Variants in N4BP2 observed in about 807,000 individuals in gnomAD.
N4BP2 encodes NEDD4-binding protein 2.
In N4BP2, 91 loss-of-function variants were observed where a neutral mutation model predicts 152.8. The ratio of observed to expected loss-of-function variants is 0.60; its 90% CI spans 0.50 to 0.71. The LOEUF is 0.71. Ranked by LOEUF, N4BP2 falls within the 30% of genes least tolerant of loss-of-function variation. The pLI, the probability that N4BP2 is intolerant of heterozygous loss-of-function variation, is 0.00. For synonymous variants in N4BP2, 646 were observed against 705.3 expected (o/e 0.92, Z 1.33); for missense variants, 1,923 against 2,059.1 (o/e 0.93, Z 1.28).
At chr4:40,142,522 T>G in intron 14 of N4BP2, 151 bp from the exon 15 acceptor site, 1 of 595,318 alleles carries the variant, frequency 1.7e-6, no homozygotes, top group Non-Finnish European at 3.0e-6. Flanking sequence ...ATGCCTGACT[T>G]ACAAGGTAGA....
chr4:40,143,597 G>A (rs1225333620), intron 15 of N4BP2, among the ~76,000 whole-genome samples: 2 of 152,234 alleles, frequency 1.3e-5, no homozygotes, highest in African/African-American at 4.8e-5. Context: ...TACTACTTCC[G>A]GCCAGGAATC....
rs933576317 is a variant in N4BP2, at chr4:40,076,584, G to A, written c.-115+3033G>A. On this transcript the variant is annotated intron_variant, in intron 2 of 17. Coordinates refer to ENST00000261435, the MANE Select transcript of N4BP2 (RefSeq NM_018177.6). Reference sequence around the variant, plus strand: ...GCTCACTGCAAGCTCCGCCTCCTGGGTTCATGCCATTCTCCTGCCTCAGCC... The same window carrying A: ...GCTCACTGCAAGCTCCGCCTCCTGGATTCATGCCATTCTCCTGCCTCAGCC... Among the ~76,000 whole-genome samples the A allele has an allele frequency of 5.9e-5, 9 of 152,192 alleles. No individual in the cohort carries two copies. The East Asian group carries it at 1.7e-3, about 29-fold the overall frequency.
chr4:40,059,431 C>T (rs77892092), intron 1 of N4BP2, among the ~76,000 whole-genome samples: 3 of 151,488 alleles, frequency 2.0e-5, no homozygotes, highest in Non-Finnish European at 4.4e-5. Context: ...CTCACTCTGT[C>T]GCCCAGGCTG....
At chr4:40,170,278 G>C in the N4BP2 span, among the ~76,000 whole-genome samples, 3 of 152,064 alleles carry the variant, frequency 2.0e-5, no homozygotes, top group African/African-American at 7.2e-5. Context: ...TATATTTAAA[G>C]ATTACAAATA....
At chr4:40,101,663 A>G (rs936102009) in intron 3 of N4BP2, among the ~76,000 whole-genome samples, 2 of 152,212 alleles carry the variant, frequency 1.3e-5, no homozygotes, top group Admixed American at 1.3e-4. Context: ...AGATTTACTA[A>G]GAGAATACAT....
intron 2 of N4BP2, among the ~76,000 whole-genome samples, chr4:40,079,094 G>T (rs1381745915): frequency 1.3e-5 from 2 of 151,880 alleles, no homozygotes; most frequent in African/African-American, 2.4e-5. Context: ...GCTAATTTTT[G>T]TATTTTTGGT....
At chr4:40,145,513 C>T (rs1365825766) in intron 16 of N4BP2, among the ~76,000 whole-genome samples, 1 of 152,110 alleles carries the variant, frequency 6.6e-6, no homozygotes, top group African/African-American at 2.4e-5. Flanking sequence ...AGCCTGACCC[C>T]AGTTGTTTTT....
At position 40,152,803 on chromosome 4, in the gene N4BP2, C is replaced by G; in HGVS notation, c.5167C>G (p.Pro1723Ala). 6.2e-7 allele frequency: 1 copy of G among 1,613,970 alleles called. No individual in the cohort carries two copies. Among genetic ancestry groups the G allele is most frequent in the South Asian group, 1.1e-5 (1 of 91,072 alleles). The change falls in exon 17 of 18, where the codon CCC becomes GCC. Residue 1723 changes from proline to alanine, a missense_variant. Coordinates refer to ENST00000261435, the MANE Select transcript of N4BP2 (RefSeq NM_018177.6). ...TEEFKQNGGKPYLSVITGRGN... is the reference protein window; with the variant it reads ...TEEFKQNGGKAYLSVITGRGN... Reference sequence around the variant, plus strand: ...AGAATTTAAGCAGAACGGTGGGAAGCCCTATTTGTCTGTGATTACGGGGAG... The same window carrying G: ...AGAATTTAAGCAGAACGGTGGGAAGGCCTATTTGTCTGTGATTACGGGGAG...
At chr4:40,084,652 G>A (rs2109926122) in intron 2 of N4BP2, among the ~76,000 whole-genome samples, 2 of 142,744 alleles carry the variant, frequency 1.4e-5, no homozygotes, top group African/African-American at 5.1e-5. Context: ...TTTTTTTGAG[G>A]CAGAGTTTCT....
At chr4:40,115,229 G>T (rs924360766) in intron 7 of N4BP2, among the ~76,000 whole-genome samples, 1 of 152,150 alleles carries the variant, frequency 6.6e-6, no homozygotes, top group Non-Finnish European at 1.5e-5. Flanking sequence ...AGGTGTGGTG[G>T]CTCCTGCCTG....
At chr4:40,160,914 G>T (rs750353967), downstream of N4BP2, among the ~76,000 whole-genome samples, 7 of 152,090 alleles carry the variant, frequency 4.6e-5, no homozygotes, top group Non-Finnish European at 5.9e-5. Context: ...TAAAGACTAA[G>T]ACACTCCATA....
At chr4:40,068,223 C>T (rs1190063229) in intron 1 of N4BP2, among the ~76,000 whole-genome samples, 2 of 152,294 alleles carry the variant, frequency 1.3e-5, no homozygotes, top group East Asian at 1.9e-4. Context: ...ATATTACCAA[C>T]TTATCAGATG....
chr4:40,126,544 G>T (rs549326580), intron 12 of N4BP2, among the ~76,000 whole-genome samples: 2 of 152,260 alleles, frequency 1.3e-5, no homozygotes, highest in African/African-American at 4.8e-5. Context: ...AGCCATCCAT[G>T]TTAAGTTTGT....
chr4:40,116,973 G>T (rs1200292231), intron 7 of N4BP2, among the ~76,000 whole-genome samples: 1 of 152,052 alleles, frequency 6.6e-6, no homozygotes, highest in Non-Finnish European at 1.5e-5. Flanking sequence ...GTTTTAAAAT[G>T]ATTTTTTAAA....
intron 1 of N4BP2, among the ~76,000 whole-genome samples, chr4:40,072,194 C>T (rs910833852): frequency 6.6e-6 from 1 of 151,846 alleles, no homozygotes; most frequent in African/African-American, 2.4e-5. Flanking sequence ...TGTGCGTCAG[C>T]CTCCTGAGTA....
intron 3 of N4BP2, chr4:40,100,122 A>G (rs1209444073): frequency 1.1e-5 from 5 of 455,528 alleles, no homozygotes; most frequent in Admixed American, 4.7e-5. Context: ...ACAGCAACCT[A>G]TGAGGTAGGT....
At chr4:40,111,735 C>G (rs911599788) in intron 5 of N4BP2, among the ~76,000 whole-genome samples, 1 of 152,182 alleles carries the variant, frequency 6.6e-6, no homozygotes, top group South Asian at 2.1e-4. Flanking sequence ...CTTACCTCAG[C>G]CTCCTGAGTA....
At position 40,137,007 on chromosome 4, in the gene N4BP2, A is replaced by T; in HGVS notation, c.4710A>T (p.Thr1570=). 5 of 1,613,820 alleles carry T rather than the reference A, an allele frequency of 3.1e-6. No individual in the cohort carries two copies. In the South Asian group the frequency reaches 5.5e-5, roughly 18 times the overall value. The change falls in exon 14 of 18, where the codon ACA becomes ACT. Residue 1570 remains threonine (T), a synonymous_variant. Coordinates refer to ENST00000261435, the MANE Select transcript of N4BP2 (RefSeq NM_018177.6). ...NCVLEGDPVK[T]VVAQEFVHQN... is the part of the protein sequence containing the mutation. ...TTCTTGAAGGGGACCCTGTAAAAACAGTTGTAGCCCAAGAGTTTGTTCACC... is the reference window on the plus strand; with the variant it reads ...TTCTTGAAGGGGACCCTGTAAAAACTGTTGTAGCCCAAGAGTTTGTTCACC...
chr4:40,182,747 G>C, the N4BP2 span, among the ~76,000 whole-genome samples: 6 of 152,082 alleles, frequency 3.9e-5, no homozygotes, highest in Non-Finnish European at 8.8e-5. Context: ...CTGGATCTCA[G>C]CTCAATGGAA....
Sources: gnomAD v4.1 joint callset for allele counts (sites outside exome capture counted in the v4.1 genomes callset) on GRCh38, gnomAD v4.1.1 for gene constraint, MANE v1.5 for transcripts, NCBI Gene and HGNC (gene_info 2026-07-23, HGNC 2026-07-21) for gene names.